Variants in VAMP4 observed in about 807,000 individuals in gnomAD.
VAMP4 encodes the protein vesicle-associated membrane protein 4.
VAMP4 carries 19 observed loss-of-function variants against 23.5 expected under a neutral mutation model. That is an observed-to-expected ratio of 0.81 (90% CI 0.56 to 1.19). VAMP4 has a LOEUF of 1.19. VAMP4 is among the 50% of genes most tolerant of loss of function. The probability of loss-of-function intolerance (pLI) is 0.00; values close to 1 mark genes in which losing one functional copy is unlikely to be tolerated. For missense variants in VAMP4, 145 were observed against 168.6 expected (o/e 0.86, Z 0.78); for synonymous variants, 31 against 51.0 (o/e 0.61, Z 1.67).
chr1:171,722,943 G>A (rs1208358860), intron 3 of VAMP4, among the ~76,000 whole-genome samples: 4 of 152,092 alleles, frequency 2.6e-5, no homozygotes, highest in African/African-American at 4.8e-5. Context: ...AACCACCCCC[G>A]ATAATTCAAC....
intron 1 of VAMP4, among the ~76,000 whole-genome samples, chr1:171,739,538 T>C (rs1245303433): frequency 6.6e-6 from 1 of 152,202 alleles, no homozygotes; most frequent in African/African-American, 2.4e-5. Flanking sequence ...AACTCTGATT[T>C]ATAGCCAGTC....
rs1330620854 is a variant in VAMP4 at position 171,703,425 on chromosome 1, G to GTGTATATATATATATA, written c.*1080_*1081insTATATATATATATACA. 5 of 80,672 alleles carry GTGTATATATATATATA rather than the reference G, an allele frequency of 6.2e-5. No homozygotes were observed. Among genetic ancestry groups the GTGTATATATATATATA allele is most frequent in the African/African-American group, 1.9e-4 (4 of 20,962 alleles). 5.0% of individuals were successfully genotyped at this position (80,672 alleles called of 1,614,324 possible). A position where few individuals can be genotyped will look rare whatever the true frequency, so the allele number is the denominator to read the frequency against. ...TGTGTGTGTGTGTGTGTGTTTGTGT[G>GTGTATATATATATATA]TATATATATATATATATATATATAT... On this transcript the variant is annotated 3_prime_UTR_variant, in exon 8 of 8. Transcript: ENST00000236192.
chr1:171,706,326 T>A (rs1243207622), intron 7 of VAMP4, 41 bp downstream of exon 7: 1 of 1,566,370 alleles, frequency 6.4e-7, no homozygotes, highest in African/African-American at 1.4e-5. Context: ...AACTCCAAAA[T>A]AAATGATACC....
intron 2 of VAMP4, among the ~76,000 whole-genome samples, chr1:171,736,609 C>G (rs1345025535): frequency 2.0e-5 from 3 of 152,004 alleles, no homozygotes; most frequent in African/African-American, 7.3e-5. Flanking sequence ...TAAAAGCTTG[C>G]TAGCAATTAA....
chr1:171,714,107 C>A (rs1028480421), intron 4 of VAMP4, among the ~76,000 whole-genome samples: 1 of 152,166 alleles, frequency 6.6e-6, no homozygotes, highest in African/African-American at 2.4e-5. Context: ...ATGTAACCTT[C>A]ACTCAATGAT....
At chr1:171,718,840 T>C (rs1216321551) in intron 4 of VAMP4, among the ~76,000 whole-genome samples, 1 of 151,994 alleles carries the variant, frequency 6.6e-6, no homozygotes, top group Non-Finnish European at 1.5e-5. Context: ...TCTGAGAAAA[T>C]AAAATGAATT....
chr1:171,709,583 T>G, intron 6 of VAMP4, 82 bp downstream of exon 6: 1 of 1,303,222 alleles, frequency 7.7e-7, no homozygotes, highest in Non-Finnish European at 1.1e-6. Flanking sequence ...GAGGTTATGC[T>G]CTAGAGGCCC....
rs1283664682 is a variant in VAMP4, at chr1:171,738,449, C to T, written c.-35G>A. ...TTGCAAAGTATCTTTTGCTTCTCAA[C>T]AGGATAGTCACCACCTTAAAGAGAA... On this transcript the variant is annotated 5_prime_UTR_variant, in exon 2 of 8. Coordinates refer to ENST00000236192, the MANE Select transcript of VAMP4 (RefSeq NM_003762.5). The T allele has an allele frequency of 6.3e-7, 1 of 1,594,638 alleles. No homozygotes were observed. The highest frequency in any genetic ancestry group is 1.3e-5 in the African/African-American group (1 of 74,350).
At chr1:171,724,659 T>C (rs113709013) in intron 3 of VAMP4, among the ~76,000 whole-genome samples, 63 of 152,306 alleles carry the variant, frequency 4.1e-4, no homozygotes, top group African/African-American at 1.3e-3. Context: ...AATTCATCTA[T>C]AGGTTCAATA....
In VAMP4 at chr1:171,727,809, C is replaced by T. The variant is rs372729868; in HGVS notation, c.113+715G>A. ...ACATGGATGAATCTCAAAAACCATG[C>T]TGAATAAAGCCAGGTTTTAAAAAGG... is the stretch of plus-strand genomic sequence containing the variant. On this transcript the variant is annotated intron_variant, in intron 3 of 7. Coordinates refer to ENST00000236192, the MANE Select transcript of VAMP4 (RefSeq NM_003762.5). Among the ~76,000 whole-genome samples the T allele has an allele frequency of 7.2e-5, 11 of 152,210 alleles. 1 individual carries two copies. Among genetic ancestry groups the T allele is most frequent in the Admixed American group, 2.0e-4 (3 of 15,300 alleles).
intron 4 of VAMP4, among the ~76,000 whole-genome samples, chr1:171,711,298 T>C (rs752022466): frequency 2.9e-4 from 44 of 152,226 alleles, no homozygotes; most frequent in South Asian, 1.2e-3. Context: ...TTATGAAACA[T>C]ACCTAGTTTC....
chr1:171,705,347 T>C (rs573456784), intron 7 of VAMP4, among the ~76,000 whole-genome samples: 1 of 152,246 alleles, frequency 6.6e-6, no homozygotes, highest in Middle Eastern at 3.4e-3. Context: ...TAGACAGCAC[T>C]TCAGCACCAC....
At chr1:171,730,293 A>G (rs113776050) in intron 2 of VAMP4, among the ~76,000 whole-genome samples, 62 of 152,352 alleles carry the variant, frequency 4.1e-4, no homozygotes, top group African/African-American at 1.3e-3. Flanking sequence ...CCAGCCAAAA[A>G]GAAAATGAAA....
chr1:171,709,237 C>T (rs1482196001), intron 6 of VAMP4, among the ~76,000 whole-genome samples: 3 of 151,808 alleles, frequency 2.0e-5, no homozygotes, highest in Non-Finnish European at 4.4e-5. Flanking sequence ...TTAACAGATT[C>T]GGATATGTAA....
At chr1:171,719,316 A>C in intron 3 of VAMP4, 95 bp from the exon 4 acceptor site, 1 of 1,041,502 alleles carries the variant, frequency 9.6e-7, no homozygotes, top group African/African-American at 1.6e-5. Flanking sequence ...CAAACAATCA[A>C]GCTGAACTCT....
rs189956831 is a variant in VAMP4, at chr1:171,738,677, T to C, written c.-49-214A>G. Reference sequence around the variant, plus strand: ...TAAAATTATGAGAAAATGGATGTAATTGCCCTAAGAGAACATGTGTAGGAT... The same window carrying C: ...TAAAATTATGAGAAAATGGATGTAACTGCCCTAAGAGAACATGTGTAGGAT... On this transcript the variant is annotated intron_variant, in intron 1 of 7. Coordinates refer to ENST00000236192, the MANE Select transcript of VAMP4 (RefSeq NM_003762.5). Among the ~76,000 whole-genome samples, 330 of 152,322 alleles carry C rather than the reference T, an allele frequency of 2.2e-3. 2 individuals carry two copies. Among genetic ancestry groups the C allele is most frequent in the Non-Finnish European group, 3.7e-3 (255 of 68,024 alleles).
chr1:171,704,432 G>A lies in VAMP4; in HGVS notation c.*74C>T. ...AAGTTTTGAAAGTTATATACACATAGGTTTCATTTAAATTATGCAGCAATC... is the reference window on the plus strand; with the variant it reads ...AAGTTTTGAAAGTTATATACACATAAGTTTCATTTAAATTATGCAGCAATC... On this transcript the variant is annotated 3_prime_UTR_variant, in exon 8 of 8. Transcript: ENST00000236192. 1 of 1,332,210 alleles carries A rather than the reference G, an allele frequency of 7.5e-7. No individual in the cohort carries two copies. The highest frequency in any genetic ancestry group is 1.0e-6 in the Non-Finnish European group (1 of 982,856). 82.5% of individuals were successfully genotyped at this position (1,332,210 alleles called of 1,614,324 possible).
chr1:171,734,522 T>C (rs940844702), intron 2 of VAMP4, among the ~76,000 whole-genome samples: 3 of 152,108 alleles, frequency 2.0e-5, no homozygotes, highest in African/African-American at 4.8e-5. Flanking sequence ...CTAAAATTGA[T>C]TGTGGTGATT....
At position 171,710,718 on chromosome 1, in the gene VAMP4, T is replaced by C. The variant is rs745740823; in HGVS notation, c.261A>G (p.Lys87=). The C allele has an allele frequency of 6.3e-7, 1 of 1,598,784 alleles. No individual in the cohort carries two copies. The highest frequency in any genetic ancestry group is 8.5e-7 in the Non-Finnish European group (1 of 1,171,380). ...RGERLDELQD[K]SESLSDNATA... is the part of the protein sequence containing the mutation. ...GAAATACATGAAGATCTGTACCTGA[T>C]TTGTCCTGTAGTTCATCTAGTCTCT... Residue 87 remains lysine (K), a synonymous_variant, in exon 5 of 8, where the codon AAA becomes AAG. Transcript: ENST00000236192.
Sources: gnomAD v4.1 joint callset for allele counts (sites outside exome capture counted in the v4.1 genomes callset) on GRCh38, gnomAD v4.1.1 for gene constraint, MANE v1.5 for transcripts, NCBI Gene and HGNC (gene_info 2026-07-23, HGNC 2026-07-21) for gene names.